Variants in TSHZ3 observed in about 807,000 individuals in gnomAD.
TSHZ3 encodes teashirt homolog 3.
TSHZ3 carries 10 observed loss-of-function variants against 64.5 expected under a neutral mutation model. The ratio of observed to expected loss-of-function variants is 0.16; its 90% CI spans 0.10 to 0.26. The LOEUF (loss-of-function observed/expected upper bound fraction) is 0.26. Among genes scored for constraint, TSHZ3 ranks in the 10% least tolerant of loss-of-function variants. The pLI, the probability that TSHZ3 is intolerant of heterozygous loss-of-function variation, is 1.00. For synonymous variants in TSHZ3, 608 were observed against 593.1 expected (o/e 1.03, Z -0.36); for missense variants, 1,242 against 1,421.7 (o/e 0.87, Z 2.03).
intron 5 of TSHZ3, among the ~76,000 whole-genome samples, chr19:31,174,616 T>A (rs1465068286): frequency 1.3e-5 from 2 of 152,220 alleles, no homozygotes; most frequent in Non-Finnish European, 2.9e-5. Flanking sequence ...TCTGGTTATC[T>A]ATTTATGGGT....
intron 4 of TSHZ3, among the ~76,000 whole-genome samples, chr19:31,225,673 G>T (rs1431589287): frequency 6.6e-6 from 1 of 152,038 alleles, no homozygotes; most frequent in East Asian, 1.9e-4. Flanking sequence ...TTCCTGAGGG[G>T]CCTTTTCCCT....
At chr19:31,249,519 G>GCACA (rs112187800) in intron 1 of TSHZ3, among the ~76,000 whole-genome samples, 24 of 151,834 alleles carry the variant, frequency 1.6e-4, no homozygotes, top group Admixed American at 5.2e-4. Context: ...ATGCGCGCCC[G>GCACA]CACACACACA....
At chr19:31,163,046 A>C (rs972128572) in intron 5 of TSHZ3, among the ~76,000 whole-genome samples, 2 of 152,210 alleles carry the variant, frequency 1.3e-5, no homozygotes, top group African/African-American at 4.8e-5. Flanking sequence ...TTGACACCCA[A>C]GCCTTGGGAC....
At chr19:31,332,548 C>T (rs551720521) in intron 1 of TSHZ3, among the ~76,000 whole-genome samples, 7 of 152,216 alleles carry the variant, frequency 4.6e-5, no homozygotes, top group African/African-American at 9.6e-5. Context: ...TATTGGGGAA[C>T]GGAGATGTGC....
intron 1 of TSHZ3, among the ~76,000 whole-genome samples, chr19:31,247,872 GTA>G (rs1316252513): frequency 1.4e-5 from 2 of 147,276 alleles, no homozygotes; most frequent in Admixed American, 6.8e-5. Flanking sequence ...GTGTGTGTGT[GTA>G]TGTATGTATG....
Position 31,279,778 on chromosome 19 carries a change from G to A in TSHZ3, c.41-26C>T. 6.8e-7 allele frequency: 1 copy of A among 1,479,258 alleles called. No individual in the cohort carries two copies. Among genetic ancestry groups the A allele is most frequent in the East Asian group, 2.3e-5 (1 of 43,338 alleles). 91.6% of individuals were successfully genotyped at this position (1,479,258 alleles called of 1,614,324 possible). ...CTGCCATGATAACAGGTGGGAAAGA[G>A]AGACAGGTAGGATGGAATGAAGAGA... On this transcript the variant is annotated intron_variant, in intron 1 of 1. Coordinates refer to ENST00000240587, the MANE Select transcript of TSHZ3 (RefSeq NM_020856.4). The surrounding 1 kb of genome is among the most constrained non-coding windows in gnomAD (Gnocchi z 6.4).
chr19:31,333,585 C>A (rs973942803), intron 1 of TSHZ3, among the ~76,000 whole-genome samples: 4 of 151,982 alleles, frequency 2.6e-5, no homozygotes, highest in Admixed American at 2.6e-4. Flanking sequence ...ACCAAAGAAG[C>A]CCCATGGAAG....
intron 5 of TSHZ3, among the ~76,000 whole-genome samples, chr19:31,187,577 A>G (rs1974831880): frequency 6.6e-6 from 1 of 152,076 alleles, no homozygotes. Context: ...TTTAGCTTTT[A>G]CACTTAGGTC....
chr19:31,200,966 A>G (rs1002264002), intron 5 of TSHZ3, among the ~76,000 whole-genome samples: 64 of 151,864 alleles, frequency 4.2e-4, no homozygotes, highest in African/African-American at 1.5e-3. Context: ...ATTAAACTGT[A>G]CTTTAAAGCA....
At chr19:31,175,599 AG>A (rs1974595833) in intron 5 of TSHZ3, among the ~76,000 whole-genome samples, 1 of 152,202 alleles carries the variant, frequency 6.6e-6, no homozygotes, top group African/African-American at 2.4e-5. Flanking sequence ...ATGAAGGACA[AG>A]GTTCCTCCTT....
At chr19:31,299,836 C>T (rs974011615) in intron 1 of TSHZ3, among the ~76,000 whole-genome samples, 1 of 152,188 alleles carries the variant, frequency 6.6e-6, no homozygotes, top group East Asian at 1.9e-4. Context: ...TTGGCAGCCT[C>T]TTGGAGGGGA....
In TSHZ3 at chr19:31,330,705, TG is replaced by T. The variant is rs142243125; in HGVS notation, c.40+18474del. On this transcript the variant is annotated intron_variant, in intron 1 of 1. Coordinates refer to ENST00000240587, the MANE Select transcript of TSHZ3 (RefSeq NM_020856.4). ...AAGGAGCCAAGTGCTGTTTAATCCT[TG>T]GGCGGGGGGAGGAAAGTCCAGAACA... Among the ~76,000 whole-genome samples the T allele has an allele frequency of 7.7e-3, 711 of 92,902 alleles. 8 individuals carry two copies. Among genetic ancestry groups the T allele is most frequent in the Admixed American group, 0.015 (127 of 8,430 alleles). 60.9% of individuals were successfully genotyped at this position (92,902 alleles called of 152,430 possible).
intron 1 of TSHZ3, among the ~76,000 whole-genome samples, chr19:31,346,771 G>A (rs1917604243): frequency 6.6e-6 from 1 of 150,758 alleles, no homozygotes; most frequent in East Asian, 1.9e-4. Flanking sequence ...GAAGTTTCTG[G>A]TCCATCCAAA....
At chr19:31,264,468 C>T (rs989495461) in intron 1 of TSHZ3, among the ~76,000 whole-genome samples, 1 of 152,168 alleles carries the variant, frequency 6.6e-6, no homozygotes, top group Non-Finnish European at 1.5e-5. Flanking sequence ...AACTACCTGC[C>T]CTCAAATCCT....
intron 1 of TSHZ3, among the ~76,000 whole-genome samples, chr19:31,306,152 G>A (rs577067186): frequency 4.5e-4 from 69 of 152,292 alleles, no homozygotes; most frequent in Middle Eastern, 3.4e-3. Context: ...CACACCCACC[G>A]TGTGCGCTCA....
chr19:31,239,582 T>G (rs1975663057), intron 3 of TSHZ3, among the ~76,000 whole-genome samples: 1 of 152,144 alleles, frequency 6.6e-6, no homozygotes, highest in South Asian at 2.1e-4. Context: ...CATTTACACT[T>G]TATTTTTATT....
intron 1 of TSHZ3, among the ~76,000 whole-genome samples, chr19:31,291,881 C>T (rs370691310): frequency 1.3e-5 from 2 of 152,166 alleles, no homozygotes; most frequent in South Asian, 2.1e-4. Context: ...GTGCTGGGCC[C>T]ATATCTGGGT....
At chr19:31,317,400 C>CA (rs943236872) in intron 1 of TSHZ3, among the ~76,000 whole-genome samples, 4 of 152,178 alleles carry the variant, frequency 2.6e-5, no homozygotes, top group African/African-American at 9.7e-5. Flanking sequence ...GGGCAAGATG[C>CA]AAAGAGCTGG....
At chr19:31,213,645 G>A (rs889090623) in intron 4 of TSHZ3, among the ~76,000 whole-genome samples, 1 of 152,160 alleles carries the variant, frequency 6.6e-6, no homozygotes, top group Non-Finnish European at 1.5e-5. Context: ...GTAACGGGGT[G>A]ATTGCATGTA....
Sources: allele counts gnomAD v4.1 joint callset (sites outside exome capture counted in the v4.1 genomes callset), GRCh38; gene constraint gnomAD v4.1.1; non-coding constraint Gnocchi (gnomAD v3.1); transcripts MANE v1.5; gene names NCBI Gene and HGNC (gene_info 2026-07-23, HGNC 2026-07-21).